Variants in HECTD4 observed in about 807,000 individuals in gnomAD.
The protein encoded by HECTD4 is probable E3 ubiquitin-protein ligase HECTD4.
In HECTD4, 114 loss-of-function variants were observed where a neutral mutation model predicts 471.5. The ratio of observed to expected loss-of-function variants is 0.24; its 90% CI spans 0.21 to 0.28. The LOEUF is 0.28. Among genes scored for constraint, HECTD4 ranks in the 10% least tolerant of loss-of-function variants. The pLI, the probability that HECTD4 is intolerant of heterozygous loss-of-function variation, is 1.00. For missense variants in HECTD4, 3,866 were observed against 5,651.5 expected, an observed-to-expected ratio of 0.68 and a Z score of 10.13; for synonymous variants, 2,012 against 2,256.0, an observed-to-expected ratio of 0.89 and a Z score of 3.07.
chr12:112,331,879 A>T (rs2035849282), intron 1 of HECTD4, among the ~76,000 whole-genome samples: 1 of 152,214 alleles, frequency 6.6e-6, no homozygotes, highest in Non-Finnish European at 1.5e-5. Flanking sequence ...TCCCATTTAT[A>T]TTCTGCAATG....
chr12:112,191,231 A>G (rs2032068334), intron 59 of HECTD4, among the ~76,000 whole-genome samples: 1 of 152,238 alleles, frequency 6.6e-6, no homozygotes, highest in Non-Finnish European at 1.5e-5. Flanking sequence ...AACAGAGGAC[A>G]CACACTTGTC....
Position 112,161,774 on chromosome 12 carries a change from C to G in HECTD4, c.*613G>C, listed in dbSNP as rs2030699458. On this transcript the variant is annotated 3_prime_UTR_variant, in exon 76 of 76. Coordinates refer to ENST00000682272, the MANE Select transcript of HECTD4 (RefSeq NM_001388303.1). ...GGGAGGTATGGGAGGGGCAGGGGAACCACTGTGGGCTTTTCCTCAGAAAAA... is the reference window on the plus strand; with the variant it reads ...GGGAGGTATGGGAGGGGCAGGGGAAGCACTGTGGGCTTTTCCTCAGAAAAA... 6.6e-6 allele frequency: 1 copy of G among 152,240 alleles called. No individual in the cohort carries two copies. The highest frequency in any genetic ancestry group is 1.5e-5 in the Non-Finnish European group (1 of 68,102). 9.4% of individuals were successfully genotyped at this position (152,240 alleles called of 1,614,324 possible).
intron 14 of HECTD4, 150 bp downstream of exon 14, chr12:112,266,762 G>A (rs1020149413): frequency 1.6e-6 from 1 of 622,946 alleles, no homozygotes; most frequent in Non-Finnish European, 2.9e-6. Flanking sequence ...GATTACAGGT[G>A]TGAGCCACCG....
chr12:112,247,007 C>T lies in HECTD4; in HGVS notation c.4407G>A (p.Thr1469=), dbSNP rs533197509. 4.5e-5 allele frequency: 72 copies of T among 1,611,706 alleles called. 1 individual carries two copies. In the South Asian group the frequency reaches 6.5e-4, roughly 15 times the overall value. ...KPSHPLAKTK[T]LVKSLMNRAE... is the part of the protein sequence containing the mutation. ...CTCGGTTCATTAAACTCTTCACTAA[C>T]GTCTTTGTTTTAGCCAGTGGGTGTG... The change falls in exon 29 of 76, where the codon ACG becomes ACA. Residue 1469 remains threonine, a synonymous_variant. Transcript: ENST00000682272.
At chr12:112,208,711 A>G in intron 50 of HECTD4, 81 bp from the exon 51 acceptor site, 2 of 1,296,884 alleles carry the variant, frequency 1.5e-6, no homozygotes, top group African/African-American at 3.0e-5. Flanking sequence ...TAGACAAACC[A>G]GATTATCTTA....
intron 44 of HECTD4, 143 bp from the exon 45 acceptor site, chr12:112,219,632 T>C (rs2033033880): frequency 3.7e-6 from 2 of 547,610 alleles, no homozygotes; most frequent in Non-Finnish European, 6.4e-6. Context: ...CAGAGTTTCG[T>C]TCTATTGCCC....
Position 112,259,250 on chromosome 12 carries a change from T to C in HECTD4, c.2889A>G (p.Glu963=). 1 of 1,613,818 alleles carries C rather than the reference T, an allele frequency of 6.2e-7. No individual in the cohort carries two copies. Among genetic ancestry groups the C allele is most frequent in the Non-Finnish European group, 8.5e-7 (1 of 1,179,838 alleles). ...ADREQRLKGL[E]QVTKATMLGH... Reference sequence around the variant, plus strand: ...CAAGCATAGTAGCCTTAGTAACTTGTTCCAAGCCTTTTAACCTACAAAAAG... The same window carrying C: ...CAAGCATAGTAGCCTTAGTAACTTGCTCCAAGCCTTTTAACCTACAAAAAG... Residue 963 remains glutamate (E), a synonymous_variant, in exon 19 of 76, where the codon GAA becomes GAG. Transcript: ENST00000682272.
chr12:112,377,250 T>C (rs1392038847), intron 1 of HECTD4, among the ~76,000 whole-genome samples: 3 of 151,158 alleles, frequency 2.0e-5, no homozygotes, highest in African/African-American at 7.3e-5. Context: ...GCCTGGACAA[T>C]ATAGCAAGGC....
Position 112,283,296 on chromosome 12 carries a change from T to A in HECTD4, c.1342A>T (p.Asn448Tyr). 1 of 1,609,276 alleles carries A rather than the reference T, an allele frequency of 6.2e-7. No individual in the cohort carries two copies. The change falls in exon 8 of 76, where the codon AAT becomes TAT. Residue 448 changes from asparagine to tyrosine, a missense_variant. Transcript: ENST00000682272. The stretch of plus-strand genomic sequence containing the variant: ...AGTGGGTTGGCTACAAATACACCAT[T>A]TTCAACCTAACATAGAAAAAAAGGA... ...FMDIFELVVE[N>Y]GVFVANPLQE...
chr12:112,306,060 T>G lies in HECTD4; in HGVS notation c.1335+4A>C. On this transcript the variant is annotated splice_donor_region_variant and intron_variant, in intron 7 of 75. Coordinates refer to ENST00000682272, the MANE Select transcript of HECTD4 (RefSeq NM_001388303.1). The stretch of plus-strand genomic sequence containing the variant: ...AAGATACAAGCGAGAAAGTTCAAAC[T>G]TACCACAAGTTCAAAAATGTCCATG... The G allele has an allele frequency of 6.3e-7, 1 of 1,590,856 alleles. No homozygotes were observed. Among genetic ancestry groups the G allele is most frequent in the Non-Finnish European group, 8.5e-7 (1 of 1,172,656 alleles).
At chr12:112,271,799 C>T (rs1160439157) in intron 11 of HECTD4, among the ~76,000 whole-genome samples, 1 of 151,946 alleles carries the variant, frequency 6.6e-6, no homozygotes, top group Non-Finnish European at 1.5e-5. Flanking sequence ...TTAAAATAAT[C>T]TCTTTACTGA....
chr12:112,273,866 T>C (rs2034469065), intron 10 of HECTD4, 71 bp from the exon 11 acceptor site: 5 of 1,541,052 alleles, frequency 3.2e-6, no homozygotes, highest in Non-Finnish European at 3.5e-6. Context: ...TCACAAGCAC[T>C]GCTACAAAGT....
At chr12:112,305,917 A>G in intron 7 of HECTD4, 147 bp downstream of exon 7, 1 of 629,732 alleles carries the variant, frequency 1.6e-6, no homozygotes, top group South Asian at 3.9e-5. Context: ...GAAACCTTCA[A>G]AGACATCTAA....
chr12:112,227,708 G>A (rs1322152252), intron 43 of HECTD4, among the ~76,000 whole-genome samples: 2 of 151,334 alleles, frequency 1.3e-5, no homozygotes, highest in African/African-American at 2.4e-5. Context: ...GCACCATCTC[G>A]GCTCACTGCA....
At chr12:112,246,814 C>A in intron 29 of HECTD4, 87 bp downstream of exon 29, 1 of 1,232,458 alleles carries the variant, frequency 8.1e-7, no homozygotes, top group South Asian at 2.1e-5. Context: ...GTGAATTTTT[C>A]AAAATATAGC....
In HECTD4 at chr12:112,273,091, T is replaced by A. The variant is rs573057753; in HGVS notation, c.1942+564A>T. On this transcript the variant is annotated intron_variant, in intron 11 of 75. Transcript: ENST00000682272. ...CTCAATTTAGTGTATGCCTTGGCAA[T>A]TTCCAGGGCCTGGAAATGGTTGTTT... Among the ~76,000 whole-genome samples the A allele has an allele frequency of 1.2e-4, 19 of 152,336 alleles. No homozygotes were observed. In the East Asian group the frequency reaches 3.7e-3, roughly 29 times the overall value.
At chr12:112,265,572 T>C (rs2034249897) in intron 15 of HECTD4, among the ~76,000 whole-genome samples, 1 of 152,200 alleles carries the variant, frequency 6.6e-6, no homozygotes, top group African/African-American at 2.4e-5. Flanking sequence ...ACTCAGCCTT[T>C]CTCATAAACC....
In HECTD4 at chr12:112,285,181, T is replaced by C. The variant is rs555819469; in HGVS notation, c.1336-1879A>G. ...CATGAACACTTACCTCTGTGTAAAG[T>C]GCTCACTGTGCTGGCGAGTGAAGCC... On this transcript the variant is annotated intron_variant, in intron 7 of 75. Coordinates refer to ENST00000682272, the MANE Select transcript of HECTD4 (RefSeq NM_001388303.1). Among the ~76,000 whole-genome samples the C allele has an allele frequency of 4.6e-5, 7 of 152,282 alleles. No homozygotes were observed. In the South Asian group the frequency reaches 1.5e-3, roughly 32 times the overall value.
At chr12:112,180,885 C>CA (rs1234023201) in intron 62 of HECTD4, among the ~76,000 whole-genome samples, 2 of 151,638 alleles carry the variant, frequency 1.3e-5, no homozygotes, top group Non-Finnish European at 2.9e-5. Context: ...AAGAAAACGC[C>CA]AAAAACCTCA....
Sources: gnomAD v4.1 joint callset for allele counts (sites outside exome capture counted in the v4.1 genomes callset) on GRCh38, gnomAD v4.1.1 for gene constraint, MANE v1.5 for transcripts, NCBI Gene and HGNC (gene_info 2026-07-23, HGNC 2026-07-21) for gene names.